Variants in KIF15 observed in about 807,000 individuals in gnomAD.
KIF15 encodes the protein kinesin-like protein KIF15.
Under a neutral mutation model 190.6 loss-of-function variants are expected in KIF15, and 140 were observed. The ratio of observed to expected loss-of-function variants is 0.73; its 90% CI spans 0.64 to 0.84. The LOEUF (loss-of-function observed/expected upper bound fraction) is 0.84, where lower values mean the gene tolerates loss of function less well. KIF15 is among the 40% of genes least tolerant of loss of function. The probability of loss-of-function intolerance (pLI) is 0.00; values close to 1 mark genes in which losing one functional copy is unlikely to be tolerated. For synonymous variants in KIF15, 528 were observed against 551.3 expected, an observed-to-expected ratio of 0.96 and a Z score of 0.59; for missense variants, 1,372 against 1,584.4, an observed-to-expected ratio of 0.87 and a Z score of 2.28.
At chr3:44,801,234 G>A (rs1575611348) in intron 11 of KIF15, among the ~76,000 whole-genome samples, 1 of 151,034 alleles carries the variant, frequency 6.6e-6, no homozygotes, top group African/African-American at 2.4e-5. Flanking sequence ...CACCATGTTG[G>A]CCAGGCTGGT....
downstream of KIF15, among the ~76,000 whole-genome samples, chr3:44,855,105 G>A (rs997732640): frequency 2.0e-5 from 3 of 152,286 alleles, no homozygotes; most frequent in East Asian, 3.9e-4. Flanking sequence ...GGTGCAGGTG[G>A]GCTGAGTTTG....
rs1697941244 is a variant in KIF15 at position 44,829,658 on chromosome 3, TTATG to T, written c.2944-309_2944-306del. On this transcript the variant is annotated intron_variant, in intron 24 of 34. Transcript: ENST00000326047. Reference sequence around the variant, plus strand: ...TATGTATATATTATATATGTATATATTATGTATATATAATATATGTATATATATT... The same window carrying T: ...TATGTATATATTATATATGTATATATTATATATAATATATGTATATATATT... Among the ~76,000 whole-genome samples, 65 of 113,530 alleles carry T rather than the reference TTATG, an allele frequency of 5.7e-4. 2 individuals are homozygous for T. The South Asian group carries it at 0.017, about 30-fold the overall frequency. 74.5% of individuals were successfully genotyped at this position (113,530 alleles called of 152,430 possible).
chr3:44,831,278 A>G (rs760516044), intron 26 of KIF15, among the ~76,000 whole-genome samples: 52 of 152,314 alleles, frequency 3.4e-4, no homozygotes, highest in Non-Finnish European at 6.5e-4. Context: ...CTCCTCTGGC[A>G]GTCTTATACA....
chr3:44,778,962 A>G (rs1706029159), intron 4 of KIF15, among the ~76,000 whole-genome samples: 1 of 115,082 alleles, frequency 8.7e-6, no homozygotes, highest in African/African-American at 3.4e-5. Context: ...CCTGGGTGAC[A>G]GGGCGAGACT....
At chr3:44,863,709 T>A in intron 6 of KIF15, 1 of 160,458 alleles carries the variant, frequency 6.2e-6, no homozygotes, top group Non-Finnish European at 1.4e-5. Context: ...CCAGAGGGGG[T>A]CAGCCTTAGT....
intron 27 of KIF15, 101 bp downstream of exon 27, chr3:44,838,522 CA>C (rs1698435610): frequency 1.5e-5 from 17 of 1,171,494 alleles, no homozygotes; most frequent in Non-Finnish European, 2.0e-5. Context: ...GGGGGTGGAC[CA>C]CTTGAAGTCA....
intron 14 of KIF15, among the ~76,000 whole-genome samples, chr3:44,803,779 A>T (rs75881338): frequency 0.021 from 3,140 of 152,308 alleles, 90 homozygotes; most frequent in African/African-American, 0.071. Flanking sequence ...GTTATGACTG[A>T]ATAGAATAAT....
At chr3:44,784,720 A>G (rs989944531) in intron 5 of KIF15, 125 bp from the exon 6 acceptor site, 2 of 624,468 alleles carry the variant, frequency 3.2e-6, no homozygotes, top group Non-Finnish European at 5.6e-6. Context: ...CCTAGATTTA[A>G]CTTGCTTGGA....
intron 14 of KIF15, 91 bp downstream of exon 14, chr3:44,803,082 A>G (rs910174618): frequency 2.7e-6 from 3 of 1,120,206 alleles, no homozygotes; most frequent in Non-Finnish European, 3.8e-6. Flanking sequence ...TCTTCATTTT[A>G]GCCTCCAGGC....
intron 14 of KIF15, among the ~76,000 whole-genome samples, chr3:44,804,669 C>G (rs942088747): frequency 6.6e-6 from 1 of 152,222 alleles, no homozygotes; most frequent in African/African-American, 2.4e-5. Flanking sequence ...CACTGTGTCA[C>G]ATCCTGTGCC....
At chr3:44,829,604 A>ATATATTATATATG (rs1491488325) in intron 24 of KIF15, among the ~76,000 whole-genome samples, 8 of 32,206 alleles carry the variant, frequency 2.5e-4, no homozygotes, top group East Asian at 5.0e-3. Context: ...TTATATATGC[A>ATATATTATATATG]TATATATTAT....
chr3:44,861,147 A>G (rs1023913787), intron 6 of KIF15, among the ~76,000 whole-genome samples: 15 of 152,182 alleles, frequency 9.9e-5, no homozygotes, highest in Non-Finnish European at 2.1e-4. Context: ...ATGCACCACC[A>G]CGCCCGGCTA....
intron 20 of KIF15, among the ~76,000 whole-genome samples, chr3:44,815,596 C>T (rs1707996537): frequency 6.6e-6 from 1 of 152,214 alleles, no homozygotes; most frequent in Non-Finnish European, 1.5e-5. Flanking sequence ...AAAGGACAGT[C>T]AGTATAAGGT....
intron 20 of KIF15, among the ~76,000 whole-genome samples, chr3:44,817,627 T>C (rs1237614550): frequency 6.6e-6 from 1 of 152,246 alleles, no homozygotes; most frequent in Non-Finnish European, 1.5e-5. Context: ...AGTACCATGC[T>C]GTTTTGGTTA....
At chr3:44,786,260 G>T in intron 6 of KIF15, 135 bp from the exon 7 acceptor site, 3 of 567,600 alleles carry the variant, frequency 5.3e-6, no homozygotes, top group East Asian at 3.2e-5. Flanking sequence ...TTTACTTTTA[G>T]GTATCTTATA....
intron 20 of KIF15, among the ~76,000 whole-genome samples, chr3:44,816,052 T>C (rs1438742933): frequency 2.6e-5 from 4 of 152,138 alleles, no homozygotes; most frequent in African/African-American, 9.7e-5. Context: ...TTTTTAAAGA[T>C]TCATTTCTAT....
At chr3:44,783,560 G>C (rs557960794) in intron 5 of KIF15, among the ~76,000 whole-genome samples, 1 of 141,150 alleles carries the variant, frequency 7.1e-6, no homozygotes, top group African/African-American at 2.7e-5. Context: ...ATTTCAACAT[G>C]AGAATTGGGG....
At chr3:44,829,375 T>TGC (rs201614559) in intron 24 of KIF15, among the ~76,000 whole-genome samples, 1 of 69,370 alleles carries the variant, frequency 1.4e-5, no homozygotes, top group Non-Finnish European at 3.3e-5. Context: ...TATATATATA[T>TGC]GTGTGTGTGT....
In KIF15 at chr3:44,767,666, C is replaced by T. The variant is rs533174937; in HGVS notation, c.19+5782C>T. 7.3e-4 allele frequency among the ~76,000 whole-genome samples: 111 copies of T among 151,240 alleles called. No homozygotes were observed. In the South Asian group the frequency reaches 0.019, roughly 26 times the overall value. ...ATCCCAGCACTTTGGGAGGCCGAGG[C>T]GGGTGGATCATGAGGTCAGGAGATG... On this transcript the variant is annotated intron_variant, in intron 1 of 34. Coordinates refer to ENST00000326047, the MANE Select transcript of KIF15 (RefSeq NM_020242.3).
Sources: gnomAD v4.1 joint callset for allele counts (sites outside exome capture counted in the v4.1 genomes callset) on GRCh38, gnomAD v4.1.1 for gene constraint, MANE v1.5 for transcripts, NCBI Gene and HGNC (gene_info 2026-07-23, HGNC 2026-07-21) for gene names.